The following ARL15 variants were observed in gnomAD, a reference collection of about 807,000 sequenced individuals.
ARL15 encodes the protein ADP-ribosylation factor-like protein 15.
In ARL15, 19 loss-of-function variants were observed where a neutral mutation model predicts 25.2. The ratio of observed to expected loss-of-function variants is 0.75; its 90% confidence interval spans 0.53 to 1.10. The LOEUF (loss-of-function observed/expected upper bound fraction) is 1.10, where lower values mean the gene tolerates loss of function less well. Ranked by LOEUF, ARL15 falls within the 50% of genes least tolerant of loss-of-function variation. ARL15 has a pLI of 0.00. For synonymous variants in ARL15, 94 were observed against 86.8 expected, an observed-to-expected ratio of 1.08 and a Z score of -0.46; for missense variants, 220 against 246.0, an observed-to-expected ratio of 0.89 and a Z score of 0.71.
intron 4 of ARL15, among the ~76,000 whole-genome samples, chr5:53,959,182 A>G (rs1316032025): frequency 6.6e-6 from 1 of 152,222 alleles, no homozygotes. Context: ...CAATAAATTT[A>G]AAGTATGGTA....
At chr5:54,303,916 T>C (rs1048197994) in intron 1 of ARL15, among the ~76,000 whole-genome samples, 3 of 152,084 alleles carry the variant, frequency 2.0e-5, no homozygotes, top group African/African-American at 7.2e-5. Flanking sequence ...ATCACCTCAG[T>C]GGCTATGACC....
Position 54,043,527 on chromosome 5 carries a change from A to G in ARL15, c.462+69675T>C, listed in dbSNP as rs556337274. Among the ~76,000 whole-genome samples the G allele has an allele frequency of 1.1e-4, 16 of 152,280 alleles. No homozygotes were observed. In the East Asian group the frequency reaches 3.1e-3, roughly 29 times the overall value. On this transcript the variant is annotated intron_variant, in intron 4 of 4. Transcript: ENST00000504924. ...AATTGGAAATATGGGTTTGTGGTCA[A>G]TGAGATGGGTAAAGGCTGGAAATTT... is the stretch of plus-strand genomic sequence containing the variant.
chr5:53,974,917 T>C (rs1462054492), intron 4 of ARL15, among the ~76,000 whole-genome samples: 1 of 152,022 alleles, frequency 6.6e-6, no homozygotes, highest in Non-Finnish European at 1.5e-5. Flanking sequence ...GTCTGTGAGG[T>C]GGTAATCAGT....
At chr5:53,991,892 G>C (rs534718100) in intron 4 of ARL15, among the ~76,000 whole-genome samples, 1 of 152,122 alleles carries the variant, frequency 6.6e-6, no homozygotes, top group African/African-American at 2.4e-5. Context: ...CTTGGTAGCA[G>C]TTTGAAAAAA....
chr5:54,016,017 C>CA (rs750112641), intron 4 of ARL15, among the ~76,000 whole-genome samples: 3 of 152,148 alleles, frequency 2.0e-5, no homozygotes, highest in Non-Finnish European at 4.4e-5. Flanking sequence ...CCAGAAGGCC[C>CA]AAGCCCTTTT....
At chr5:53,981,616 C>T (rs1044043139) in intron 4 of ARL15, among the ~76,000 whole-genome samples, 8 of 152,092 alleles carry the variant, frequency 5.3e-5, no homozygotes, top group South Asian at 4.1e-4. Context: ...AGAAATCATG[C>T]GGGGCGCAGT....
intron 1 of ARL15, among the ~76,000 whole-genome samples, chr5:54,262,387 C>T (rs1284710960): frequency 6.6e-6 from 1 of 152,148 alleles, no homozygotes; most frequent in Admixed American, 6.6e-5. Context: ...AATTAAACAG[C>T]AGGGCCTGAA....
chr5:54,067,816 C>T (rs1751289986), intron 4 of ARL15, among the ~76,000 whole-genome samples: 1 of 152,172 alleles, frequency 6.6e-6, no homozygotes, highest in Non-Finnish European at 1.5e-5. Context: ...CAGAGTTGTG[C>T]CAAATCTCTT....
intron 4 of ARL15, among the ~76,000 whole-genome samples, chr5:53,955,224 C>G (rs1315145289): frequency 6.6e-6 from 1 of 151,762 alleles, no homozygotes; most frequent in African/African-American, 2.4e-5. Context: ...ACTTTTCTTC[C>G]TTCAACAACA....
intron 2 of ARL15, among the ~76,000 whole-genome samples, chr5:54,162,022 CACAGAG>C (rs1561248308): frequency 7.2e-6 from 1 of 138,348 alleles, no homozygotes; most frequent in African/African-American, 2.7e-5. Context: ...CACACACACA[CACAGAG>C]AGAGATACAC....
At chr5:54,039,568 G>A (rs553288395) in intron 4 of ARL15, among the ~76,000 whole-genome samples, 30 of 152,094 alleles carry the variant, frequency 2.0e-4, no homozygotes, top group African/African-American at 6.3e-4. Flanking sequence ...AGGAGGCCGA[G>A]GCAGGTGGTT....
intron 4 of ARL15, among the ~76,000 whole-genome samples, chr5:53,993,216 C>A (rs149301799): frequency 6.6e-6 from 1 of 152,188 alleles, no homozygotes; most frequent in African/African-American, 2.4e-5. Flanking sequence ...CACTCCTAGT[C>A]GTTAGCCTTG....
chr5:54,281,265 A>G (rs548545724), intron 1 of ARL15, among the ~76,000 whole-genome samples: 1 of 152,050 alleles, frequency 6.6e-6, no homozygotes, highest in African/African-American at 2.4e-5. Context: ...TCAGCCTCCC[A>G]AGTAGCTGGG....
At chr5:54,170,744 C>T (rs1411794801) in intron 2 of ARL15, among the ~76,000 whole-genome samples, 1 of 152,248 alleles carries the variant, frequency 6.6e-6, no homozygotes, top group Middle Eastern at 3.4e-3. Flanking sequence ...CACTGTCATG[C>T]CCCTTCCTTC....
At chr5:54,193,473 T>A (rs969932858) in intron 1 of ARL15, among the ~76,000 whole-genome samples, 3 of 152,272 alleles carry the variant, frequency 2.0e-5, no homozygotes, top group African/African-American at 7.2e-5. Context: ...GAGCTCTGCT[T>A]CCTATCAGAT....
intron 1 of ARL15, among the ~76,000 whole-genome samples, chr5:54,183,383 C>T (rs1579884124): frequency 7.6e-6 from 1 of 131,074 alleles, no homozygotes. Context: ...TTGTCAAAGG[C>T]TTTTTCTGCA....
chr5:53,911,290 T>TC (rs1231604211), intron 4 of ARL15, among the ~76,000 whole-genome samples: 3 of 152,186 alleles, frequency 2.0e-5, no homozygotes. Context: ...TCCAAGAGAC[T>TC]CTTCAATTGT....
intron 1 of ARL15, chr5:54,282,519 C>T (rs1758084356): frequency 1.0e-6 from 1 of 985,394 alleles, no homozygotes; most frequent in Non-Finnish European, 1.2e-6. Flanking sequence ...AAGTCTGGGG[C>T]ATGTGGCTTT....
At chr5:54,173,835 C>T (rs1754787448) in intron 1 of ARL15, among the ~76,000 whole-genome samples, 1 of 152,094 alleles carries the variant, frequency 6.6e-6, no homozygotes, top group Non-Finnish European at 1.5e-5. Flanking sequence ...CAGCCAAGCT[C>T]ACCAGCCTCA....
Sources: gnomAD v4.1 joint callset for allele counts (sites outside exome capture counted in the v4.1 genomes callset) on GRCh38, gnomAD v4.1.1 for gene constraint, MANE v1.5 for transcripts, NCBI Gene and HGNC (gene_info 2026-07-23, HGNC 2026-07-21) for gene names.